Variants in RAP1GDS1 observed in about 807,000 individuals in gnomAD.
RAP1GDS1 encodes the protein RAP1, GTP-GDP dissociation stimulator 1.
Under a neutral mutation model 71.1 loss-of-function variants are expected in RAP1GDS1, and 35 were observed. The observed-to-expected ratio is 0.49, with a 90% CI of 0.38 to 0.65. The LOEUF is 0.65. Ranked by LOEUF, RAP1GDS1 falls within the 30% of genes least tolerant of loss-of-function variation. RAP1GDS1 has a pLI of 0.00. For missense variants in RAP1GDS1, 663 were observed against 706.1 expected (o/e 0.94, Z 0.69); for synonymous variants, 229 against 243.1 (o/e 0.94, Z 0.54).
At chr4:98,407,530 A>C (rs1325107720) in intron 7 of RAP1GDS1, among the ~76,000 whole-genome samples, 2 of 151,102 alleles carry the variant, frequency 1.3e-5, no homozygotes, top group Non-Finnish European at 2.9e-5. Context: ...GAATGAAATA[A>C]TGTCTTTTGC....
intron 2 of RAP1GDS1, among the ~76,000 whole-genome samples, chr4:98,335,966 C>T (rs1012245785): frequency 6.6e-6 from 1 of 152,096 alleles, no homozygotes; most frequent in Non-Finnish European, 1.5e-5. Flanking sequence ...AGTGTATACT[C>T]CTATTGGCTC....
chr4:98,305,460 G>A (rs762925222), intron 2 of RAP1GDS1, among the ~76,000 whole-genome samples: 6 of 152,260 alleles, frequency 3.9e-5, no homozygotes, highest in East Asian at 1.9e-4. Flanking sequence ...TATGTCCTAT[G>A]TGCTTAATCT....
chr4:98,359,777 A>G (rs1738457054), intron 4 of RAP1GDS1, among the ~76,000 whole-genome samples: 1 of 152,200 alleles, frequency 6.6e-6, no homozygotes, highest in Non-Finnish European at 1.5e-5. Context: ...TTGTAGCATC[A>G]TATAGTCTAA....
intron 2 of RAP1GDS1, among the ~76,000 whole-genome samples, chr4:98,315,477 T>C (rs1730804317): frequency 6.6e-6 from 1 of 152,080 alleles, no homozygotes; most frequent in Non-Finnish European, 1.5e-5. Context: ...CAAGGAATGC[T>C]GAATTTTGAA....
intron 5 of RAP1GDS1, among the ~76,000 whole-genome samples, chr4:98,382,750 C>T (rs9999339): frequency 1 from 150,925 of 151,664 alleles, 75,096 homozygotes; most frequent in East Asian, 1. Flanking sequence ...TACTTATTAT[C>T]GTCTAAAATT....
At chr4:98,426,209 G>C (rs1341047043) in intron 12 of RAP1GDS1, among the ~76,000 whole-genome samples, 1 of 152,008 alleles carries the variant, frequency 6.6e-6, no homozygotes, top group Non-Finnish European at 1.5e-5. Flanking sequence ...AATACCTCTG[G>C]GATACAACAA....
At chr4:98,436,795 G>C (rs1167573025) in intron 13 of RAP1GDS1, 145 bp from the exon 14 acceptor site, 1 of 808,732 alleles carries the variant, frequency 1.2e-6, no homozygotes, top group African/African-American at 1.8e-5. Context: ...CACATGGTCT[G>C]AATTTAATAT....
At chr4:98,441,419 T>C (rs1460371872) in intron 14 of RAP1GDS1, 9 of 985,032 alleles carry the variant, frequency 9.1e-6, no homozygotes, top group Non-Finnish European at 1.1e-5. Context: ...TATAAACTTT[T>C]CTTTTGCCAC....
intron 2 of RAP1GDS1, among the ~76,000 whole-genome samples, chr4:98,328,150 T>TC (rs1733417234): frequency 6.6e-6 from 1 of 152,166 alleles, no homozygotes. Flanking sequence ...GTCTCAACTT[T>TC]CCCATAGGAA....
intron 14 of RAP1GDS1, among the ~76,000 whole-genome samples, chr4:98,440,095 CCTTTTTTGT>C (rs1323938150): frequency 9.2e-5 from 14 of 152,296 alleles, no homozygotes; most frequent in African/African-American, 3.4e-4. Context: ...AAACTCCTGT[CCTTTTTTGT>C]CTAGCTTATT....
chr4:98,416,965 T>C, intron 8 of RAP1GDS1, 77 bp downstream of exon 8: 1 of 1,464,254 alleles, frequency 6.8e-7, no homozygotes, highest in Non-Finnish European at 9.3e-7. Context: ...CTGTAAATAC[T>C]ACCCTAGACA....
At chr4:98,344,898 C>T (rs966131218) in intron 3 of RAP1GDS1, among the ~76,000 whole-genome samples, 36 of 152,140 alleles carry the variant, frequency 2.4e-4, no homozygotes, top group Non-Finnish European at 7.3e-5. Context: ...GATCACGGTT[C>T]ACTGCAGCCT....
intron 4 of RAP1GDS1, among the ~76,000 whole-genome samples, chr4:98,378,099 T>G (rs1212261075): frequency 6.6e-6 from 1 of 151,962 alleles, no homozygotes; most frequent in Non-Finnish European, 1.5e-5. Context: ...AAATTACACA[T>G]GTGGTTCACA....
chr4:98,386,575 C>CT lies in RAP1GDS1; in HGVS notation c.509-5364dup, dbSNP rs905921745. On this transcript the variant is annotated intron_variant, in intron 5 of 14. Coordinates refer to ENST00000408927, the MANE Select transcript of RAP1GDS1 (RefSeq NM_001100427.2). ...TATTGTCAATATTAATGAATGTTGG[C>CT]TTTTTTTTTTTTTGAAATTTCTATG... 2.9e-3 allele frequency among the ~76,000 whole-genome samples: 402 copies of CT among 136,414 alleles called. 3 individuals carry two copies. The highest frequency in any genetic ancestry group is 5.1e-3 in the African/African-American group (193 of 37,568). 89.5% of individuals were successfully genotyped at this position (136,414 alleles called of 152,430 possible). A position where few individuals can be genotyped will look rare whatever the true frequency, so the allele number is the denominator to read the frequency against.
At chr4:98,370,634 G>A (rs1043135974) in intron 4 of RAP1GDS1, among the ~76,000 whole-genome samples, 1 of 149,694 alleles carries the variant, frequency 6.7e-6, no homozygotes, top group African/African-American at 2.5e-5. Context: ...CGCGATCTCT[G>A]CTCCCAGCTC....
chr4:98,375,878 G>GTGGC (rs1266275909), intron 4 of RAP1GDS1, among the ~76,000 whole-genome samples: 3 of 152,152 alleles, frequency 2.0e-5, no homozygotes, highest in Non-Finnish European at 2.9e-5. Flanking sequence ...GTTAGATTCA[G>GTGGC]TGGCTGTATT....
At chr4:98,279,421 T>TAA (rs1331472807) in intron 1 of RAP1GDS1, among the ~76,000 whole-genome samples, 1 of 151,596 alleles carries the variant, frequency 6.6e-6, no homozygotes, top group African/African-American at 2.4e-5. Context: ...TTAAATGATA[T>TAA]AAAAAAGTAT....
intron 2 of RAP1GDS1, among the ~76,000 whole-genome samples, chr4:98,303,899 T>G (rs1465886401): frequency 6.6e-6 from 1 of 152,052 alleles, no homozygotes; most frequent in Non-Finnish European, 1.5e-5. Context: ...TTCCCCTTCC[T>G]GTGTCCATGT....
chr4:98,333,517 G>C (rs879669132), intron 2 of RAP1GDS1, among the ~76,000 whole-genome samples: 1 of 151,994 alleles, frequency 6.6e-6, no homozygotes, highest in Non-Finnish European at 1.5e-5. Context: ...TTACAATTAT[G>C]TTCAGCAATT....
Sources: allele counts gnomAD v4.1 joint callset (sites outside exome capture counted in the v4.1 genomes callset), GRCh38; gene constraint gnomAD v4.1.1; transcripts MANE v1.5; gene names NCBI Gene and HGNC (gene_info 2026-07-23, HGNC 2026-07-21).